The following NR6A1 variants were observed in gnomAD, a reference collection of about 807,000 sequenced individuals.
NR6A1 encodes the protein nuclear receptor subfamily 6 group A member 1.
Under a neutral mutation model 59.1 loss-of-function variants are expected in NR6A1, and 7 were observed. The ratio of observed to expected loss-of-function variants is 0.12; its 90% CI spans 0.07 to 0.22. The LOEUF (loss-of-function observed/expected upper bound fraction) is 0.22, where lower values mean the gene tolerates loss of function less well. Among genes scored for constraint, NR6A1 ranks in the 10% least tolerant of loss-of-function variants. NR6A1 has a pLI of 1.00. For missense variants in NR6A1, 468 were observed against 611.6 expected (o/e 0.77, Z 2.48); for synonymous variants, 243 against 236.1 (o/e 1.03, Z -0.27).
intron 4 of NR6A1, among the ~76,000 whole-genome samples, chr9:124,542,662 A>G (rs887282785): frequency 6.6e-6 from 1 of 152,150 alleles, no homozygotes; most frequent in African/African-American, 2.4e-5. Flanking sequence ...ATCTAAATAA[A>G]ACCTTTTAGT....
intron 2 of NR6A1, among the ~76,000 whole-genome samples, chr9:124,571,363 T>C (rs900137757): frequency 6.6e-6 from 1 of 152,152 alleles, no homozygotes; most frequent in Non-Finnish European, 1.5e-5. Flanking sequence ...GCTGTGGGCA[T>C]GGATGCGATT....
At chr9:124,728,641 T>A (rs1452098939) in intron 2 of NR6A1, among the ~76,000 whole-genome samples, 22 of 143,480 alleles carry the variant, frequency 1.5e-4, no homozygotes, top group Non-Finnish European at 2.7e-4. Context: ...CCTCAAAAAA[T>A]AAATAAATAA....
intron 2 of NR6A1, among the ~76,000 whole-genome samples, chr9:124,720,289 G>A (rs543264350): frequency 2.0e-5 from 3 of 152,188 alleles, no homozygotes; most frequent in African/African-American, 7.2e-5. Context: ...GACCTCAGGT[G>A]ATCCACCCAC....
At position 124,701,728 on chromosome 9, in the gene NR6A1, T is replaced by C. The variant is rs539043423; in HGVS notation, c.142+31580A>G. 2.0e-5 allele frequency among the ~76,000 whole-genome samples: 3 copies of C among 152,238 alleles called. No homozygotes were observed. The South Asian group carries it at 6.2e-4, about 32-fold the overall frequency. On this transcript the variant is annotated intron_variant, in intron 2 of 9. Coordinates refer to ENST00000487099, the MANE Select transcript of NR6A1 (RefSeq NM_033334.4). ...TTTAGATGCAACTCCTTTATCAGAT[T>C]TTTTTTTCTTTTGAGTCGGAGTTTC...
At chr9:124,524,687 G>C in intron 9 of NR6A1, 34 bp downstream of exon 9, 1 of 1,605,922 alleles carries the variant, frequency 6.2e-7, no homozygotes, top group South Asian at 1.1e-5. Context: ...AGAGAAGCAA[G>C]GAAGGGTTGG....
In NR6A1 at chr9:124,520,250, C is replaced by T. The variant is rs781180034; in HGVS notation, c.*2455G>A. 4 of 152,156 alleles carry T rather than the reference C, an allele frequency of 2.6e-5. No homozygotes were observed. The highest frequency in any genetic ancestry group is 4.4e-5 in the Non-Finnish European group (3 of 68,038). 9.4% of individuals were successfully genotyped at this position (152,156 alleles called of 1,614,324 possible). ...TCACTTTACCCTGTTTAAAAAAAGC[C>T]CACGTCATAAAAGGACTGGTGCAGA... On this transcript the variant is annotated 3_prime_UTR_variant, in exon 10 of 10. Coordinates refer to ENST00000487099, the MANE Select transcript of NR6A1 (RefSeq NM_033334.4).
Position 124,771,047 on chromosome 9 carries a change from C to A in NR6A1, c.73G>T (p.Ala25Ser). The A allele has an allele frequency of 1.6e-6, 2 of 1,230,568 alleles. No individual in the cohort carries two copies. Among genetic ancestry groups the A allele is most frequent in the Non-Finnish European group, 2.0e-6 (2 of 987,176 alleles). The allele number at this position is 1,230,568 out of a possible 1,614,324, so 76.2% of individuals were successfully genotyped here. The change falls in exon 1 of 10, where the codon GCC (alanine) becomes TCC (serine). Residue 25 changes from alanine (A) to serine (S), a missense_variant. Physicochemically the swap from Ala to Ser is moderately conservative, Grantham distance 99. This residue lies in a region of NR6A1 where 75 missense variants were observed against 65.6 expected (regional missense o/e 1.14). Coordinates refer to ENST00000487099, the MANE Select transcript of NR6A1 (RefSeq NM_033334.4). ...TTGCGCGGCGGCGGAGGGAGCGCGG[C>A]GGGAGGCTCCAGGAACCCCGCCGAG... ...GGSAGFLEPP[A>S]ALPPPPRNGF...
At chr9:124,566,136 A>C (rs1445263945) in intron 2 of NR6A1, among the ~76,000 whole-genome samples, 1 of 152,252 alleles carries the variant, frequency 6.6e-6, no homozygotes, top group Admixed American at 6.5e-5. Flanking sequence ...GAACTACTGC[A>C]ACAACACAGA....
At chr9:124,571,350 G>A (rs1453976387) in intron 2 of NR6A1, among the ~76,000 whole-genome samples, 1 of 152,160 alleles carries the variant, frequency 6.6e-6, no homozygotes, top group Non-Finnish European at 1.5e-5. Flanking sequence ...CTTCTGTAGG[G>A]AGGCTGTGGG....
intron 7 of NR6A1, among the ~76,000 whole-genome samples, chr9:124,534,247 A>T (rs1377191006): frequency 2.0e-5 from 3 of 151,678 alleles, no homozygotes; most frequent in Non-Finnish European, 2.9e-5. Flanking sequence ...TAATTTTTGT[A>T]TTTTTAGTAG....
Position 124,771,268 on chromosome 9 carries a change from T to C in NR6A1, c.-149A>G, listed in dbSNP as rs1027513617. 1.7e-5 allele frequency: 7 copies of C among 400,402 alleles called. No individual in the cohort carries two copies. The highest frequency in any genetic ancestry group is 1.3e-4 in the South Asian group (1 of 7,938). The allele number at this position is 400,402 out of a possible 1,614,324, so 24.8% of individuals were successfully genotyped here. A position where few individuals can be genotyped will look rare whatever the true frequency, so the allele number is the denominator to read the frequency against. On this transcript the variant is annotated 5_prime_UTR_variant, in exon 1 of 10. Transcript: ENST00000487099. ...CTCTCTGGGCCCCGAGCCGCCCGGCTCCGCGCCGCTCCGCGCCCCTCCGCG... is the reference window on the plus strand; with the variant it reads ...CTCTCTGGGCCCCGAGCCGCCCGGCCCCGCGCCGCTCCGCGCCCCTCCGCG...
At chr9:124,746,358 G>A (rs1404156073) in intron 1 of NR6A1, among the ~76,000 whole-genome samples, 1 of 152,186 alleles carries the variant, frequency 6.6e-6, no homozygotes, top group Non-Finnish European at 1.5e-5. Context: ...GGAGGCCCAG[G>A]TAGGTGGATC....
intron 7 of NR6A1, among the ~76,000 whole-genome samples, chr9:124,528,907 A>G (rs1833019083): frequency 6.6e-6 from 1 of 152,228 alleles, no homozygotes; most frequent in Non-Finnish European, 1.5e-5. Flanking sequence ...TAGATTATAC[A>G]CAAATACTAC....
intron 2 of NR6A1, among the ~76,000 whole-genome samples, chr9:124,565,192 G>C (rs1477637085): frequency 6.6e-6 from 1 of 152,136 alleles, no homozygotes; most frequent in East Asian, 1.9e-4. Flanking sequence ...ACTTTGGGAG[G>C]CTCTGGCGGG....
intron 2 of NR6A1, among the ~76,000 whole-genome samples, chr9:124,657,747 C>T (rs188625884): frequency 1.3e-5 from 2 of 151,930 alleles, no homozygotes; most frequent in Non-Finnish European, 2.9e-5. Flanking sequence ...AGCTTCCCCC[C>T]CCCAGCAACC....
intron 1 of NR6A1, among the ~76,000 whole-genome samples, chr9:124,748,925 G>A (rs1840415135): frequency 6.7e-6 from 1 of 149,782 alleles, no homozygotes; most frequent in Admixed American, 6.6e-5. Context: ...ATAAATATAA[G>A]TACTCAAAAC....
chr9:124,761,856 C>T (rs1286574174), intron 1 of NR6A1, among the ~76,000 whole-genome samples: 1 of 152,202 alleles, frequency 6.6e-6, no homozygotes, highest in Non-Finnish European at 1.5e-5. Flanking sequence ...TCTTGAAAAA[C>T]TGCTGCCACA....
intron 1 of NR6A1, among the ~76,000 whole-genome samples, chr9:124,762,814 T>C (rs1242008853): frequency 6.6e-6 from 1 of 152,212 alleles, no homozygotes; most frequent in Non-Finnish European, 1.5e-5. Flanking sequence ...TCGAAAATCA[T>C]ATTTATTTCA....
At chr9:124,578,545 C>G (rs1588681529) in intron 2 of NR6A1, among the ~76,000 whole-genome samples, 1 of 152,212 alleles carries the variant, frequency 6.6e-6, no homozygotes. Flanking sequence ...AATTCTCCCT[C>G]CAAAACAGAT....
Sources: gnomAD v4.1 joint callset for allele counts (sites outside exome capture counted in the v4.1 genomes callset) on GRCh38, gnomAD v4.1.1 for gene constraint, gnomAD v4.1.1 regional missense constraint, MANE v1.5 for transcripts, NCBI Gene and HGNC (gene_info 2026-07-23, HGNC 2026-07-21) for gene names.